The following PTPA variants were observed in gnomAD, a reference collection of about 807,000 sequenced individuals.
The protein encoded by PTPA is serine/threonine-protein phosphatase 2A activator.
A neutral mutation model predicts 43.6 loss-of-function variants in PTPA; 13 were observed. The ratio of observed to expected loss-of-function variants is 0.30; its 90% CI spans 0.19 to 0.47. PTPA has a LOEUF of 0.47. Ranked by LOEUF, PTPA falls within the 20% of genes least tolerant of loss-of-function variation. PTPA has a pLI of 0.99. For missense variants in PTPA, 329 were observed against 411.9 expected, an observed-to-expected ratio of 0.80 and a Z score of 1.74; for synonymous variants, 172 against 158.2, an observed-to-expected ratio of 1.09 and a Z score of -0.66.
At chr9:129,143,600 C>T (rs554078010) in intron 9 of PTPA, 2 of 617,570 alleles carry the variant, frequency 3.2e-6, no homozygotes, top group Non-Finnish European at 5.8e-6. Context: ...TGCACTTGGT[C>T]CTGAAGGGGT....
chr9:129,111,789 G>T, intron 1 of PTPA, 158 bp downstream of exon 1: 1 of 1,231,762 alleles, frequency 8.1e-7, no homozygotes, highest in East Asian at 3.2e-5. Flanking sequence ...CCTTAGGGGA[G>T]AGGTGGGTGG....
At position 129,147,435 on chromosome 9, in the gene PTPA, C is replaced by T. The variant is rs774999277; in HGVS notation, c.943C>T (p.Leu315=). The T allele has an allele frequency of 3.1e-6, 5 of 1,614,020 alleles. No homozygotes were observed. The highest frequency in any genetic ancestry group is 2.2e-5 in the East Asian group (1 of 44,878). ...VIQHFKFGSL[L]PIHPVTSG ...CCAGCACTTCAAGTTCGGGAGCCTG[C>T]TGCCCATCCATCCTGTCACGTCGGG... Residue 315 remains leucine (L), a synonymous_variant, in exon 10 of 10, where the codon CTG becomes TTG. Coordinates refer to ENST00000393370, the MANE Select transcript of PTPA (RefSeq NM_178000.3).
rs1848475349 is a variant in PTPA, at chr9:129,111,445, A to G, written c.-156A>G. Reference sequence around the variant, plus strand: ...CATGGCGGCCGTCTTCGCTGTGGTGACTTTAACTCTCGGTTTTCGGTTATA... The same window carrying G: ...CATGGCGGCCGTCTTCGCTGTGGTGGCTTTAACTCTCGGTTTTCGGTTATA... On this transcript the variant is annotated 5_prime_UTR_variant, in exon 1 of 10. Coordinates refer to ENST00000393370, the MANE Select transcript of PTPA (RefSeq NM_178000.3). 2 of 1,251,642 alleles carry G rather than the reference A, an allele frequency of 1.6e-6. No homozygotes were observed. The highest frequency in any genetic ancestry group is 4.2e-5 in the Admixed American group (1 of 23,616). The allele number at this position is 1,251,642 out of a possible 1,614,324, so 77.5% of individuals were successfully genotyped here.
chr9:129,143,814 CT>C (rs1284771741), intron 9 of PTPA, among the ~76,000 whole-genome samples: 1 of 152,086 alleles, frequency 6.6e-6, no homozygotes, highest in African/African-American at 2.4e-5. Context: ...CACTCCGACT[CT>C]GCCCTGGGTC....
chr9:129,132,232 A>AG (rs1012558560), intron 5 of PTPA, among the ~76,000 whole-genome samples: 7 of 152,148 alleles, frequency 4.6e-5, no homozygotes, highest in African/African-American at 1.7e-4. Flanking sequence ...TTGGAGGCTG[A>AG]GGGGGAGGAT....
intron 8 of PTPA, 90 bp from the exon 9 acceptor site, chr9:129,142,355 T>TGTGC (rs1554736813): frequency 8.6e-7 from 1 of 1,161,514 alleles, no homozygotes; most frequent in Non-Finnish European, 1.2e-6. Context: ...TGTGTGTGTG[T>TGTGC]GCATGCATGG....
Position 129,123,048 on chromosome 9 carries a change from G to A in PTPA, c.130-4G>A. 1 of 1,604,740 alleles carries A rather than the reference G, an allele frequency of 6.2e-7. No individual in the cohort carries two copies. The highest frequency in any genetic ancestry group is 1.1e-5 in the South Asian group (1 of 90,962). ...CCATCCCCATTCTCCTCTCTGTTTG[G>A]TAGGCATACGCTGACTACATCGGAT... On this transcript the variant is annotated splice_polypyrimidine_tract_variant and splice_region_variant and intron_variant, in intron 2 of 9. Transcript: ENST00000393370.
Position 129,120,625 on chromosome 9 carries a change from T to G in PTPA, c.129+15T>G. 6.2e-7 allele frequency: 1 copy of G among 1,600,334 alleles called. No individual in the cohort carries two copies. The highest frequency in any genetic ancestry group is 8.6e-7 in the Non-Finnish European group (1 of 1,168,384). On this transcript the variant is annotated intron_variant, in intron 2 of 9. Transcript: ENST00000393370. ...AGCGTTCTCAGGTACCATTTGGAAC[T>G]GTGGTGAGAAACTTGGGCTTTTCAA...
In PTPA at chr9:129,117,760, C is replaced by T. The variant is rs192341549; in HGVS notation, c.32-2753C>T. 1.4e-4 allele frequency among the ~76,000 whole-genome samples: 20 copies of T among 147,334 alleles called. No individual in the cohort carries two copies. The East Asian group carries it at 1.6e-3, about 12-fold the overall frequency. ...TCACCCAGGCTGGAGTGCAGTGGAA[C>T]GGTCCAGCTCACTGCAAGCTCTGCC... On this transcript the variant is annotated intron_variant, in intron 1 of 9. Transcript: ENST00000393370.
rs189854264 is a variant in PTPA, at chr9:129,131,728, T to G, written c.460+89T>G. The G allele has an allele frequency of 9.5e-4, 1,227 of 1,289,542 alleles. 11 individuals are homozygous for G. In the Admixed American group the frequency reaches 0.019, roughly 20 times the overall value. 79.9% of individuals were successfully genotyped at this position (1,289,542 alleles called of 1,614,324 possible). On this transcript the variant is annotated intron_variant, in intron 5 of 9. Transcript: ENST00000393370. ...GTGGTCTCTGGGCCCTCTGAGCAAG[T>G]GAGAGCAATCAAGAATTCGCCAAGC...
At chr9:129,124,527 G>A (rs546421059) in intron 3 of PTPA, among the ~76,000 whole-genome samples, 1 of 152,168 alleles carries the variant, frequency 6.6e-6, no homozygotes, top group Non-Finnish European at 1.5e-5. Flanking sequence ...GGTTCACACT[G>A]CCTGGTGGGT....
chr9:129,114,827 G>T lies in PTPA; in HGVS notation c.31+3196G>T, dbSNP rs560510538. ...CCTCATTTATCACCATCCTGCCTTT[G>T]AAGGCTTGTTTCTTTGATTTGGGAT... On this transcript the variant is annotated intron_variant, in intron 1 of 9. Coordinates refer to ENST00000393370, the MANE Select transcript of PTPA (RefSeq NM_178000.3). 6.6e-5 allele frequency among the ~76,000 whole-genome samples: 10 copies of T among 152,254 alleles called. No homozygotes were observed. The East Asian group carries it at 1.9e-3, about 29-fold the overall frequency.
chr9:129,120,270 A>T (rs1849162282), intron 1 of PTPA, among the ~76,000 whole-genome samples: 1 of 151,916 alleles, frequency 6.6e-6, no homozygotes, highest in Admixed American at 6.6e-5. Flanking sequence ...AGAAAAAAAA[A>T]AAAATTAGCT....
chr9:129,143,026 T>C (rs554020279), intron 9 of PTPA: 1 of 1,040,530 alleles, frequency 9.6e-7, no homozygotes, highest in South Asian at 1.8e-5. Context: ...GGCCGAGAAT[T>C]GGCATTTTTA....
chr9:129,111,061 C>T (rs1422243912), upstream of PTPA: 11 of 1,368,330 alleles, frequency 8.0e-6, no homozygotes, highest in South Asian at 9.1e-5. Flanking sequence ...CCAACTCCGT[C>T]TGGTGTCCTT....
At chr9:129,143,420 G>T (rs1312754114) in intron 9 of PTPA, 2 of 702,850 alleles carry the variant, frequency 2.8e-6, no homozygotes, top group African/African-American at 1.7e-5. Context: ...TGTACTGTGG[G>T]CACCATCTCT....
chr9:129,123,101 A>G lies in PTPA; in HGVS notation c.179A>G (p.Lys60Arg), dbSNP rs1314877851. The G allele has an allele frequency of 3.1e-6, 5 of 1,612,326 alleles. No individual in the cohort carries two copies. The change falls in exon 3 of 10, where the codon AAG becomes AGG. Residue 60 changes from lysine (K) to arginine (R), a missense_variant. Transcript: ENST00000393370. ...ATCCTTACCCTCAACGAAGGTGTGA[A>G]GGGGAAGAAGCTGACCTTCGAGTAC... Reference protein sequence around the residue: ...GFILTLNEGVKGKKLTFEYRV... With the variant: ...GFILTLNEGVRGKKLTFEYRV...
intron 4 of PTPA, among the ~76,000 whole-genome samples, chr9:129,129,630 C>T (rs1021228223): frequency 4.6e-5 from 7 of 151,892 alleles, no homozygotes; most frequent in East Asian, 1.9e-4. Context: ...CCACCACGCC[C>T]GGCTAATTTT....
chr9:129,142,336 GTT>G, intron 8 of PTPA, 107 bp from the exon 9 acceptor site: 1 of 855,036 alleles, frequency 1.2e-6, no homozygotes. Context: ...GTGCGTGTGC[GTT>G]TGTGTGTGTG....
Sources: gnomAD v4.1 joint callset for allele counts (sites outside exome capture counted in the v4.1 genomes callset) on GRCh38, gnomAD v4.1.1 for gene constraint, MANE v1.5 for transcripts, NCBI Gene and HGNC (gene_info 2026-07-23, HGNC 2026-07-21) for gene names.